The following KHDRBS2 variants were observed in gnomAD, a reference collection of about 807,000 sequenced individuals.
The protein encoded by KHDRBS2 is KH domain-containing, RNA-binding, signal transduction-associated protein 2.
Under a neutral mutation model 44.3 loss-of-function variants are expected in KHDRBS2, and 26 were observed. That is an observed-to-expected ratio of 0.59 (90% confidence interval 0.43 to 0.81). The LOEUF (loss-of-function observed/expected upper bound fraction) is 0.81, where lower values mean the gene tolerates loss of function less well. KHDRBS2 is among the 40% of genes least tolerant of loss of function. KHDRBS2 has a pLI of 0.00. For missense variants in KHDRBS2, 476 were observed against 433.1 expected, an observed-to-expected ratio of 1.10 and a Z score of -0.88; for synonymous variants, 194 against 151.1, an observed-to-expected ratio of 1.28 and a Z score of -2.08.
At chr6:62,011,858 C>T (rs1780355147) in intron 3 of KHDRBS2, among the ~76,000 whole-genome samples, 1 of 152,040 alleles carries the variant, frequency 6.6e-6, no homozygotes, top group Admixed American at 6.5e-5. Flanking sequence ...CTCAAATGTA[C>T]TATAGGAAAA....
chr6:62,058,589 C>G (rs1584414159), intron 2 of KHDRBS2, among the ~76,000 whole-genome samples: 1 of 151,808 alleles, frequency 6.6e-6, no homozygotes. Flanking sequence ...AAATATTCTT[C>G]TTGTATAAAT....
chr6:62,033,864 T>C (rs1562688252), intron 3 of KHDRBS2, among the ~76,000 whole-genome samples: 1 of 151,076 alleles, frequency 6.6e-6, no homozygotes, highest in Admixed American at 6.6e-5. Context: ...TTTTGAAAAG[T>C]TAAAAAAATT....
At chr6:62,243,523 T>C (rs577473357) in intron 1 of KHDRBS2, among the ~76,000 whole-genome samples, 5 of 152,048 alleles carry the variant, frequency 3.3e-5, no homozygotes, top group African/African-American at 9.6e-5. Context: ...AAGATTATTA[T>C]TTTACGTGAC....
intron 6 of KHDRBS2, among the ~76,000 whole-genome samples, chr6:61,778,065 A>G (rs951312467): frequency 6.6e-6 from 1 of 152,124 alleles, no homozygotes; most frequent in Admixed American, 6.6e-5. Context: ...ACTCCTATTC[A>G]ACATAGTATT....
At chr6:61,579,459 G>A in the KHDRBS2 span, among the ~76,000 whole-genome samples, 1 of 152,054 alleles carries the variant, frequency 6.6e-6, no homozygotes, top group Admixed American at 6.6e-5. Context: ...TTTGTTTTGA[G>A]TCTCTATTTA....
At chr6:61,544,187 T>G in the KHDRBS2 span, among the ~76,000 whole-genome samples, 1 of 152,188 alleles carries the variant, frequency 6.6e-6, no homozygotes, top group Admixed American at 6.6e-5. Flanking sequence ...TATTATGCAT[T>G]GTATGCCTGT....
intron 4 of KHDRBS2, among the ~76,000 whole-genome samples, chr6:61,962,136 T>C (rs1768881414): frequency 1.3e-5 from 2 of 152,102 alleles, no homozygotes; most frequent in African/African-American, 2.4e-5. Context: ...TAAGCTTTGA[T>C]AGAAATTGGG....
intron 6 of KHDRBS2, among the ~76,000 whole-genome samples, chr6:61,787,196 C>G (rs919212651): frequency 2.7e-5 from 4 of 150,872 alleles, no homozygotes; most frequent in African/African-American, 9.7e-5. Context: ...TTGTTTTCAA[C>G]ATTTGGCTAT....
chr6:62,255,801 T>G (rs1837305628), intron 1 of KHDRBS2, among the ~76,000 whole-genome samples: 1 of 151,910 alleles, frequency 6.6e-6, no homozygotes, highest in Non-Finnish European at 1.5e-5. Context: ...TTACATAAAC[T>G]AAGTTGGTAA....
chr6:61,607,686 G>T, the KHDRBS2 span, among the ~76,000 whole-genome samples: 4 of 151,910 alleles, frequency 2.6e-5, no homozygotes, highest in East Asian at 5.8e-4. Flanking sequence ...AATCATTAAA[G>T]AAATTTCTTT....
At chr6:62,267,701 G>C (rs1193179310) in intron 1 of KHDRBS2, among the ~76,000 whole-genome samples, 1 of 152,016 alleles carries the variant, frequency 6.6e-6, no homozygotes, top group East Asian at 1.9e-4. Context: ...AAATGCACCA[G>C]AGATTTTATT....
At chr6:61,900,884 G>C (rs556114786) in intron 5 of KHDRBS2, among the ~76,000 whole-genome samples, 1 of 152,188 alleles carries the variant, frequency 6.6e-6, no homozygotes, top group African/African-American at 2.4e-5. Context: ...CCTGAGGATA[G>C]AACAGTAAAG....
At chr6:61,555,230 T>A in the KHDRBS2 span, among the ~76,000 whole-genome samples, 1 of 152,218 alleles carries the variant, frequency 6.6e-6, no homozygotes, top group Non-Finnish European at 1.5e-5. Context: ...CTTTATTTGA[T>A]CTTCACTGTG....
intron 2 of KHDRBS2, among the ~76,000 whole-genome samples, chr6:62,175,385 A>T (rs1490071104): frequency 6.6e-6 from 1 of 151,636 alleles, no homozygotes; most frequent in Non-Finnish European, 1.5e-5. Flanking sequence ...ACATTCTTCC[A>T]CACTTAACAT....
the KHDRBS2 span, among the ~76,000 whole-genome samples, chr6:61,600,265 G>A: frequency 6.6e-6 from 1 of 152,058 alleles, no homozygotes; most frequent in African/African-American, 2.4e-5. Flanking sequence ...TGAAGTAACT[G>A]AAAAATCACA....
chr6:62,285,827 G>A (rs1842409926), intron 1 of KHDRBS2, 31 bp downstream of exon 1: 1 of 1,543,238 alleles, frequency 6.5e-7, no homozygotes, highest in East Asian at 2.3e-5. Flanking sequence ...GCAGCCGGCG[G>A]TTTGTGCCCA....
intron 6 of KHDRBS2, among the ~76,000 whole-genome samples, chr6:61,741,624 A>C (rs2127564162): frequency 6.6e-6 from 1 of 151,998 alleles, no homozygotes; most frequent in Middle Eastern, 3.4e-3. Context: ...CTATTTAAAA[A>C]GTCAAGTAGG....
intron 1 of KHDRBS2, among the ~76,000 whole-genome samples, chr6:62,271,236 A>G (rs1361886359): frequency 6.6e-6 from 1 of 152,132 alleles, no homozygotes; most frequent in Admixed American, 6.6e-5. Flanking sequence ...TAAACCACAT[A>G]TAACATCGTG....
At chr6:61,981,180 T>C (rs1424098170) in intron 3 of KHDRBS2, among the ~76,000 whole-genome samples, 1 of 152,234 alleles carries the variant, frequency 6.6e-6, no homozygotes, top group Non-Finnish European at 1.5e-5. Context: ...CTCTCCTTTC[T>C]ACTATTTAGC....
Sources: allele counts gnomAD v4.1 joint callset (sites outside exome capture counted in the v4.1 genomes callset), GRCh38; gene constraint gnomAD v4.1.1; transcripts MANE v1.5; gene names NCBI Gene and HGNC (gene_info 2026-07-23, HGNC 2026-07-21).